The following ADGRG7 variants were observed in gnomAD, a reference collection of about 807,000 sequenced individuals.
The protein encoded by ADGRG7 is G-protein coupled receptor 128.
In ADGRG7, 82 loss-of-function variants were observed where a neutral mutation model predicts 88.6. The ratio of observed to expected loss-of-function variants is 0.93; its 90% CI spans 0.77 to 1.11. The LOEUF (loss-of-function observed/expected upper bound fraction) is 1.11, where lower values mean the gene tolerates loss of function less well. Ranked by LOEUF, ADGRG7 falls within the 50% of genes most tolerant of loss-of-function variation. The probability of loss-of-function intolerance (pLI) is 0.00; values close to 1 mark genes in which losing one functional copy is unlikely to be tolerated. For missense variants in ADGRG7, 945 were observed against 953.4 expected (o/e 0.99, Z 0.12); for synonymous variants, 381 against 345.2 (o/e 1.10, Z -1.15).
At chr3:100,624,081 A>G (rs1360984154) in intron 1 of ADGRG7, among the ~76,000 whole-genome samples, 6 of 152,132 alleles carry the variant, frequency 3.9e-5, no homozygotes, top group African/African-American at 1.4e-4. Flanking sequence ...GTCAAACGGT[A>G]TTTCTGGTAC....
intron 1 of ADGRG7, among the ~76,000 whole-genome samples, chr3:100,612,089 G>A (rs981359856): frequency 2.0e-5 from 3 of 151,912 alleles, no homozygotes; most frequent in African/African-American, 4.8e-5. Context: ...TAATTTTATT[G>A]CATTCAAAAT....
chr3:100,618,646 A>G (rs1707261061), intron 1 of ADGRG7, among the ~76,000 whole-genome samples: 1 of 152,168 alleles, frequency 6.6e-6, no homozygotes, highest in Non-Finnish European at 1.5e-5. Context: ...GAAGTCAGGT[A>G]GCGTGATGCC....
At position 100,649,745 on chromosome 3, in the gene ADGRG7, C is replaced by T. The variant is rs373912284; in HGVS notation, c.1317C>T (p.Asn439=). 81 of 1,611,160 alleles carry T rather than the reference C, an allele frequency of 5.0e-5. No individual in the cohort carries two copies. In the East Asian group the frequency reaches 5.8e-4, roughly 12 times the overall value. ...QYPKSLDILS[N]VGCALSVTGL... ...CCAAATCACTTGACATATTATCCAA[C>T]GTTGGATGTGCACTGTCTGTTACTG... Residue 439 remains asparagine (N), a synonymous_variant, in exon 11 of 16, where the codon AAC becomes AAT. Transcript: ENST00000273352.
intron 1 of ADGRG7, among the ~76,000 whole-genome samples, chr3:100,618,113 T>C (rs1707251978): frequency 6.6e-6 from 1 of 152,234 alleles, no homozygotes; most frequent in Non-Finnish European, 1.5e-5. Flanking sequence ...ATTCTGGATT[T>C]TAGCCCTTTG....
intron 14 of ADGRG7, chr3:100,665,450 C>T: frequency 1.9e-6 from 1 of 536,470 alleles, no homozygotes; most frequent in South Asian, 1.4e-5. Flanking sequence ...TCTTCAGCAA[C>T]ATCAAAACCA....
chr3:100,676,601 T>TATCTATTA (rs1329881946), intron 15 of ADGRG7, among the ~76,000 whole-genome samples: 3 of 152,128 alleles, frequency 2.0e-5, no homozygotes, highest in African/African-American at 7.2e-5. Flanking sequence ...GTTCTATAAT[T>TATCTATTA]ATCTATTAGG....
At chr3:100,685,238 CA>C (rs779770463) in intron 15 of ADGRG7, among the ~76,000 whole-genome samples, 1 of 152,162 alleles carries the variant, frequency 6.6e-6, no homozygotes, top group Non-Finnish European at 1.5e-5. Flanking sequence ...ACATAAACTA[CA>C]AATTAGTTTG....
At chr3:100,656,206 C>T (rs1252161505) in intron 13 of ADGRG7, among the ~76,000 whole-genome samples, 3 of 152,076 alleles carry the variant, frequency 2.0e-5, no homozygotes, top group African/African-American at 7.2e-5. Flanking sequence ...AAGTAATCAC[C>T]TTCGAAATTT....
chr3:100,643,833 T>C (rs1433450403), intron 8 of ADGRG7, among the ~76,000 whole-genome samples, 200 bp downstream of exon 8: 2 of 152,230 alleles, frequency 1.3e-5, no homozygotes, highest in African/African-American at 2.4e-5. Context: ...TTGTTTTTTC[T>C]TTTTTCAAAA....
intron 1 of ADGRG7, among the ~76,000 whole-genome samples, chr3:100,611,360 T>C (rs1707152175): frequency 6.6e-6 from 1 of 151,434 alleles, no homozygotes; most frequent in Non-Finnish European, 1.5e-5. Flanking sequence ...TTTTTTCCTT[T>C]ATGTAAGCGA....
chr3:100,629,404 A>G (rs1296224225), intron 1 of ADGRG7, among the ~76,000 whole-genome samples, 194 bp from the exon 2 acceptor site: 1 of 151,964 alleles, frequency 6.6e-6, no homozygotes, highest in East Asian at 1.9e-4. Context: ...TGGTATCCAT[A>G]GCATCTAGTA....
intron 14 of ADGRG7, among the ~76,000 whole-genome samples, chr3:100,667,157 C>T (rs541558952): frequency 8.5e-5 from 13 of 152,192 alleles, no homozygotes; most frequent in Admixed American, 2.0e-4. Flanking sequence ...GGATTACAGG[C>T]GTCCACCACC....
intron 1 of ADGRG7, among the ~76,000 whole-genome samples, chr3:100,620,788 T>G (rs1182963020): frequency 1.3e-5 from 2 of 151,708 alleles, no homozygotes; most frequent in African/African-American, 4.8e-5. Flanking sequence ...AGAAAGTAAA[T>G]GCAATACAGA....
At chr3:100,621,216 G>A (rs1208676269) in intron 1 of ADGRG7, among the ~76,000 whole-genome samples, 2 of 151,784 alleles carry the variant, frequency 1.3e-5, no homozygotes, top group African/African-American at 2.4e-5. Flanking sequence ...ATCCTACAAT[G>A]GCCTCTAACT....
At chr3:100,689,181 C>G (rs2094988690) in intron 15 of ADGRG7, among the ~76,000 whole-genome samples, 1 of 152,224 alleles carries the variant, frequency 6.6e-6, no homozygotes, top group African/African-American at 2.4e-5. Context: ...TCTGTTTTAT[C>G]AGAGACTAGG....
intron 15 of ADGRG7, among the ~76,000 whole-genome samples, chr3:100,670,307 C>G (rs1323574676): frequency 6.6e-6 from 1 of 152,178 alleles, no homozygotes; most frequent in African/African-American, 2.4e-5. Flanking sequence ...TAATGACCTC[C>G]AGTTCCATCC....
chr3:100,692,029 A>G lies in ADGRG7; in HGVS notation c.2137-2715A>G, dbSNP rs866173636. On this transcript the variant is annotated intron_variant, in intron 15 of 15. Coordinates refer to ENST00000273352, the MANE Select transcript of ADGRG7 (RefSeq NM_032787.3). ...CATTAAGTTGCTAAGAACGGTAACT[A>G]CAGTGTGAAGCTGGTGTCATGTTGG... 3.9e-5 allele frequency among the ~76,000 whole-genome samples: 6 copies of G among 152,332 alleles called. No homozygotes were observed. The South Asian group carries it at 1.2e-3, about 32-fold the overall frequency.
At chr3:100,693,406 T>C (rs1350598438) in intron 15 of ADGRG7, among the ~76,000 whole-genome samples, 2 of 152,320 alleles carry the variant, frequency 1.3e-5, no homozygotes, top group East Asian at 1.9e-4. Context: ...CACACTGTCA[T>C]AGGGCCTTTC....
chr3:100,611,501 G>T (rs1233967138), intron 1 of ADGRG7, among the ~76,000 whole-genome samples: 1 of 152,106 alleles, frequency 6.6e-6, no homozygotes, highest in Non-Finnish European at 1.5e-5. Context: ...AAACCTGAAA[G>T]TTCAAGGCTT....
Sources: allele counts gnomAD v4.1 joint callset (sites outside exome capture counted in the v4.1 genomes callset), GRCh38; gene constraint gnomAD v4.1.1; transcripts MANE v1.5; gene names NCBI Gene and HGNC (gene_info 2026-07-23, HGNC 2026-07-21).